Variants in SATB2 observed in about 807,000 individuals in gnomAD.
SATB2 encodes the protein DNA-binding protein SATB2.
A neutral mutation model predicts 73.4 loss-of-function variants in SATB2; 1 was observed. The ratio of observed to expected loss-of-function variants is 0.01; its 90% confidence interval spans 0.00 to 0.06. The LOEUF (loss-of-function observed/expected upper bound fraction) is 0.06, where lower values mean the gene tolerates loss of function less well. SATB2 is among the 10% of genes least tolerant of loss of function. The probability of loss-of-function intolerance (pLI) is 1.00; values close to 1 mark genes in which losing one functional copy is unlikely to be tolerated. For missense variants in SATB2, 459 were observed against 945.8 expected, an observed-to-expected ratio of 0.49 and a Z score of 6.75; for synonymous variants, 397 against 367.0, an observed-to-expected ratio of 1.08 and a Z score of -0.93.
intron 6 of SATB2, among the ~76,000 whole-genome samples, chr2:199,358,307 C>A (rs544181911): frequency 2.6e-5 from 4 of 152,160 alleles, no homozygotes; most frequent in African/African-American, 7.2e-5. Flanking sequence ...AAAAAAAATT[C>A]TGTTAATACA....
At chr2:199,341,893 G>T (rs1410991344) in intron 7 of SATB2, among the ~76,000 whole-genome samples, 1 of 152,200 alleles carries the variant, frequency 6.6e-6, no homozygotes, top group East Asian at 1.9e-4. Context: ...GGGAGTGTGA[G>T]AAGCAGGACA....
chr2:199,337,560 G>A (rs1688371498), intron 7 of SATB2, among the ~76,000 whole-genome samples: 1 of 152,146 alleles, frequency 6.6e-6, no homozygotes, highest in South Asian at 2.1e-4. Flanking sequence ...CAGATAGGGA[G>A]AGGTAGAAAT....
intron 7 of SATB2, among the ~76,000 whole-genome samples, chr2:199,340,394 T>A (rs191870350): frequency 6.6e-6 from 1 of 152,210 alleles, no homozygotes; most frequent in Non-Finnish European, 1.5e-5. Flanking sequence ...TTGCAAATTG[T>A]GTAACTCTAC....
chr2:199,397,178 T>A (rs931802838), intron 3 of SATB2, among the ~76,000 whole-genome samples: 1 of 152,202 alleles, frequency 6.6e-6, no homozygotes, highest in African/African-American at 2.4e-5. Flanking sequence ...TTTGTGAAGA[T>A]ACGCTACACA....
intron 6 of SATB2, among the ~76,000 whole-genome samples, chr2:199,364,274 T>G (rs1307064782): frequency 6.6e-6 from 1 of 152,202 alleles, no homozygotes; most frequent in Non-Finnish European, 1.5e-5. Context: ...AGAGGACTAG[T>G]TCAAGGAGTT....
chr2:199,465,818 C>T (rs561473216), upstream of SATB2, among the ~76,000 whole-genome samples: 1 of 152,278 alleles, frequency 6.6e-6, no homozygotes, highest in South Asian at 2.1e-4. Flanking sequence ...AATTCCTTAT[C>T]AATGTTAGCC....
At chr2:199,358,268 C>A (rs1689044110) in intron 6 of SATB2, among the ~76,000 whole-genome samples, 1 of 152,052 alleles carries the variant, frequency 6.6e-6, no homozygotes, top group Non-Finnish European at 1.5e-5. Flanking sequence ...TAGTCAATAA[C>A]TGGAGGTATA....
At chr2:199,397,795 G>A (rs1690345721) in intron 3 of SATB2, 2 of 421,084 alleles carry the variant, frequency 4.7e-6, no homozygotes, top group East Asian at 8.9e-5. Context: ...AGGCTGAGGT[G>A]GGAGGATCCC....
upstream of SATB2, among the ~76,000 whole-genome samples, chr2:199,465,326 G>A (rs1471601456): frequency 6.6e-6 from 1 of 152,226 alleles, no homozygotes; most frequent in Non-Finnish European, 1.5e-5. Flanking sequence ...CACAATACAA[G>A]TATAATATAA....
chr2:199,386,167 G>C (rs1214435202), intron 3 of SATB2, among the ~76,000 whole-genome samples: 1 of 152,128 alleles, frequency 6.6e-6, no homozygotes, highest in Non-Finnish European at 1.5e-5. Flanking sequence ...GATTTTTTCA[G>C]ATTTTGAGAT....
chr2:199,374,976 A>G (rs1426004401), intron 5 of SATB2, among the ~76,000 whole-genome samples: 1 of 151,902 alleles, frequency 6.6e-6, no homozygotes, highest in African/African-American at 2.4e-5. Flanking sequence ...AAAGAAAAAA[A>G]AAAAAAACCC....
chr2:199,410,376 C>G (rs551084616), intron 3 of SATB2, among the ~76,000 whole-genome samples: 1 of 152,152 alleles, frequency 6.6e-6, no homozygotes, highest in Non-Finnish European at 1.5e-5. Context: ...CATTGTTCCT[C>G]GGGGAGAGTC....
chr2:199,436,916 G>GAA (rs149375618), intron 2 of SATB2, among the ~76,000 whole-genome samples: 1 of 138,224 alleles, frequency 7.2e-6, no homozygotes, highest in African/African-American at 2.7e-5. Context: ...GAAAAAGAAA[G>GAA]AAAAAAAAAA....
In SATB2 at chr2:199,452,384, G is replaced by A. The variant is rs1245874563; in HGVS notation, c.169+3485C>T. On this transcript the variant is annotated intron_variant, in intron 2 of 10. Coordinates refer to ENST00000417098, the MANE Select transcript of SATB2 (RefSeq NM_001172509.2). ...AAAAGCAGAATGCCTTGCTTCCTCT[G>A]GAAACTTGATTGGCATCACTTTCAT... Among the ~76,000 whole-genome samples, 4 of 152,130 alleles carry A rather than the reference G, an allele frequency of 2.6e-5. No homozygotes were observed. The East Asian group carries it at 7.7e-4, about 29-fold the overall frequency.
rs1291011413 is a variant in SATB2, at chr2:199,308,236, C to A, written c.1740+524G>T. ...CTAAATGAGATGTAACCAAAGACAG[C>A]AAAAACTCATCTTAAAATTCTAAGA... On this transcript the variant is annotated intron_variant, in intron 10 of 10. Transcript: ENST00000417098. This position sits in a 1 kb window ranked among gnomAD's most constrained non-coding sequence, Gnocchi z 4.6. Among the ~76,000 whole-genome samples, 1 of 152,082 alleles carries A rather than the reference C, an allele frequency of 6.6e-6. No individual in the cohort carries two copies. The highest frequency in any genetic ancestry group is 1.5e-5 in the Non-Finnish European group (1 of 68,010).
At chr2:199,274,835 TG>T (rs1158870706) in intron 10 of SATB2, among the ~76,000 whole-genome samples, 7 of 60,040 alleles carry the variant, frequency 1.2e-4, no homozygotes, top group African/African-American at 4.6e-4. Flanking sequence ...GCTCCAGGGA[TG>T]GGGGGTGGGG....
intron 3 of SATB2, among the ~76,000 whole-genome samples, chr2:199,388,771 A>C (rs1690033720): frequency 6.6e-6 from 1 of 151,996 alleles, no homozygotes. Context: ...TGTCAATAAA[A>C]ACCCCAGCCT....
chr2:199,329,163 C>T, intron 7 of SATB2: 1 of 498,068 alleles, frequency 2.0e-6, no homozygotes, highest in Non-Finnish European at 3.7e-6. Context: ...ACAGACATGC[C>T]AGCTAGCAAG....
chr2:199,435,587 A>T (rs1691630296), intron 2 of SATB2, among the ~76,000 whole-genome samples: 1 of 152,018 alleles, frequency 6.6e-6, no homozygotes, highest in Non-Finnish European at 1.5e-5. Context: ...CAGGTGATCC[A>T]CCTGCCTTGG....
Sources: allele counts gnomAD v4.1 joint callset (sites outside exome capture counted in the v4.1 genomes callset), GRCh38; gene constraint gnomAD v4.1.1; non-coding constraint Gnocchi (gnomAD v3.1); transcripts MANE v1.5; gene names NCBI Gene and HGNC (gene_info 2026-07-23, HGNC 2026-07-21).